The following PRR11 variants were observed in gnomAD, a reference collection of about 807,000 sequenced individuals.
PRR11 encodes proline-rich protein 11.
A neutral mutation model predicts 45.6 loss-of-function variants in PRR11; 30 were observed. That is an observed-to-expected ratio of 0.66 (90% CI 0.49 to 0.89). The LOEUF is 0.89. Ranked by LOEUF, PRR11 falls within the 40% of genes least tolerant of loss-of-function variation. The pLI, the probability that PRR11 is intolerant of heterozygous loss-of-function variation, is 0.00. For synonymous variants in PRR11, 128 were observed against 153.5 expected, an observed-to-expected ratio of 0.83 and a Z score of 1.23; for missense variants, 373 against 424.8, an observed-to-expected ratio of 0.88 and a Z score of 1.07.
intron 1 of PRR11, among the ~76,000 whole-genome samples, chr17:59,157,707 C>A (rs1330797701): frequency 2.0e-5 from 3 of 150,350 alleles, no homozygotes; most frequent in South Asian, 4.2e-4. Context: ...GTCCACCCCC[C>A]CAAAAAAAAA....
At chr17:59,175,270 G>T in intron 2 of PRR11, 1 of 281,606 alleles carries the variant, frequency 3.6e-6, no homozygotes, top group East Asian at 1.0e-4. Context: ...TTCCTCAGGA[G>T]GGCCCTGATT....
intron 1 of PRR11, among the ~76,000 whole-genome samples, chr17:59,157,514 C>A (rs143216438): frequency 6.6e-6 from 1 of 152,042 alleles, no homozygotes; most frequent in Non-Finnish European, 1.5e-5. Context: ...CCAGCCTGGC[C>A]AACATGGCAA....
intron 2 of PRR11, among the ~76,000 whole-genome samples, chr17:59,172,017 TACA>T (rs1401295589): frequency 4.6e-5 from 7 of 152,148 alleles, no homozygotes; most frequent in Non-Finnish European, 7.4e-5. Context: ...TTTTCAAAAG[TACA>T]ACAATTTTGA....
chr17:59,161,438 A>C (rs2046652491), intron 1 of PRR11, among the ~76,000 whole-genome samples: 1 of 145,430 alleles, frequency 6.9e-6, no homozygotes, highest in Non-Finnish European at 1.5e-5. Flanking sequence ...AACATAAAAC[A>C]AAAAAAAAAA....
rs1181486099 is a variant in PRR11 at position 59,201,603 on chromosome 17, C to G, written c.1055C>G (p.Ser352Cys). The change falls in exon 10 of 10, where the codon TCT (serine) becomes TGT (cysteine). Residue 352 changes from serine (S) to cysteine (C), a missense_variant. Ser to Cys is a moderately radical substitution (Grantham distance 112, BLOSUM62 -1). Transcript: ENST00000262293. ...AGCCCAACTCCAACTCTGCCACTTT[C>G]TACAAGCAGCTTTGATGAACAAAAC... ...PRSPTPTLPL[S>C]TSSFDEQN The G allele has an allele frequency of 1.2e-6, 2 of 1,613,374 alleles. No homozygotes were observed. Among genetic ancestry groups the G allele is most frequent in the Admixed American group, 1.7e-5 (1 of 59,972 alleles).
chr17:59,193,221 G>A (rs1051298423), intron 4 of PRR11, among the ~76,000 whole-genome samples: 1 of 152,104 alleles, frequency 6.6e-6, no homozygotes, highest in Non-Finnish European at 1.5e-5. Flanking sequence ...TTCTGTGCAT[G>A]TTTAATGTCT....
rs1380658154 is a variant in PRR11 at position 59,203,224 on chromosome 17, G to C, written c.*1593G>C. Among the ~76,000 whole-genome samples the C allele has an allele frequency of 2.0e-5, 3 of 151,876 alleles. No homozygotes were observed. The highest frequency in any genetic ancestry group is 4.4e-5 in the Non-Finnish European group (3 of 67,974). On this transcript the variant is annotated 3_prime_UTR_variant, in exon 10 of 10. Coordinates refer to ENST00000262293, the MANE Select transcript of PRR11 (RefSeq NM_018304.4). Reference sequence around the variant, plus strand: ...TATAGAGATTTTTGTTTGTTTGTTTGTTTGTTTTGTTTTGTTTTGAGATGA... The same window carrying C: ...TATAGAGATTTTTGTTTGTTTGTTTCTTTGTTTTGTTTTGTTTTGAGATGA...
At position 59,201,805 on chromosome 17, in the gene PRR11, C is replaced by T; in HGVS notation, c.*174C>T. ...GGCCAACATGGTGAAACTCCTTCCCCACTAAAAATACAGAAATTAGCTGGG... is the reference window on the plus strand; with the variant it reads ...GGCCAACATGGTGAAACTCCTTCCCTACTAAAAATACAGAAATTAGCTGGG... On this transcript the variant is annotated 3_prime_UTR_variant, in exon 10 of 10. Coordinates refer to ENST00000262293, the MANE Select transcript of PRR11 (RefSeq NM_018304.4). 1 of 607,530 alleles carries T rather than the reference C, an allele frequency of 1.6e-6. No homozygotes were observed. Among genetic ancestry groups the T allele is most frequent in the Non-Finnish European group, 2.9e-6 (1 of 345,186 alleles). 37.6% of individuals were successfully genotyped at this position (607,530 alleles called of 1,614,324 possible). A position where few individuals can be genotyped will look rare whatever the true frequency, so the allele number is the denominator to read the frequency against.
chr17:59,201,775 A>G lies in PRR11; in HGVS notation c.*144A>G. On this transcript the variant is annotated 3_prime_UTR_variant, in exon 10 of 10. Transcript: ENST00000262293. ...CACCTGAGGTCAGGAGTTTGAGACC[A>G]GCCTGGCCAACATGGTGAAACTCCT... 4 of 759,378 alleles carry G rather than the reference A, an allele frequency of 5.3e-6. No individual in the cohort carries two copies. Among genetic ancestry groups the G allele is most frequent in the Middle Eastern group, 2.4e-4 (1 of 4,140 alleles). The allele number at this position is 759,378 out of a possible 1,614,324, so 47.0% of individuals were successfully genotyped here.
chr17:59,156,309 G>T (rs965086064), intron 1 of PRR11, among the ~76,000 whole-genome samples: 1 of 151,982 alleles, frequency 6.6e-6, no homozygotes, highest in Non-Finnish European at 1.5e-5. Context: ...TTTTAAATGC[G>T]TGTCCTGTTT....
rs1253246616 is a variant in PRR11, at chr17:59,204,673, T to G, written c.*3042T>G. ...GTGAGCCAAGATCACACCACTCCAC[T>G]CCAGTCTGGACAACAGAGTGAGACC... On this transcript the variant is annotated 3_prime_UTR_variant, in exon 10 of 10. Coordinates refer to ENST00000262293, the MANE Select transcript of PRR11 (RefSeq NM_018304.4). 2.1e-5 allele frequency: 3 copies of G among 144,832 alleles called. No homozygotes were observed. Among genetic ancestry groups the G allele is most frequent in the African/African-American group, 7.9e-5 (3 of 38,112 alleles). 9.0% of individuals were successfully genotyped at this position (144,832 alleles called of 1,614,324 possible). A position where few individuals can be genotyped will look rare whatever the true frequency, so the allele number is the denominator to read the frequency against.
At chr17:59,183,736 G>A (rs1599702162) in intron 2 of PRR11, among the ~76,000 whole-genome samples, 1 of 152,210 alleles carries the variant, frequency 6.6e-6, no homozygotes, top group East Asian at 1.9e-4. Flanking sequence ...GTATTGCTCT[G>A]AACTCAGAAA....
chr17:59,188,232 C>A (rs954800650), intron 4 of PRR11, among the ~76,000 whole-genome samples: 1 of 152,144 alleles, frequency 6.6e-6, no homozygotes, highest in Non-Finnish European at 1.5e-5. Flanking sequence ...GCAAAATAAA[C>A]TTCAATGAGT....
At chr17:59,177,943 G>A (rs1241441158) in intron 2 of PRR11, among the ~76,000 whole-genome samples, 1 of 151,524 alleles carries the variant, frequency 6.6e-6, no homozygotes, top group Non-Finnish European at 1.5e-5. Flanking sequence ...TAGAGGCTGT[G>A]GTGAGCTGTG....
chr17:59,173,656 C>A (rs1375998508), intron 2 of PRR11, among the ~76,000 whole-genome samples: 1 of 152,210 alleles, frequency 6.6e-6, no homozygotes, highest in Non-Finnish European at 1.5e-5. Context: ...GGACACGCCA[C>A]CTTTAAGAAC....
chr17:59,165,303 A>G (rs1445755705), intron 1 of PRR11, among the ~76,000 whole-genome samples: 1 of 151,378 alleles, frequency 6.6e-6, no homozygotes, highest in Non-Finnish European at 1.5e-5. Context: ...TACAGGCGTG[A>G]GCCACCGCGC....
In PRR11 at chr17:59,204,693, G is replaced by C. The variant is rs1333120182; in HGVS notation, c.*3062G>C. On this transcript the variant is annotated 3_prime_UTR_variant, in exon 10 of 10. Transcript: ENST00000262293. ...TCCACTCCAGTCTGGACAACAGAGT[G>C]AGACCCTGTGTCAAAAAAAAAAAAA... 6.7e-6 allele frequency: 1 copy of C among 149,614 alleles called. No homozygotes were observed. Among genetic ancestry groups the C allele is most frequent in the East Asian group, 2.0e-4 (1 of 5,100 alleles). 9.3% of individuals were successfully genotyped at this position (149,614 alleles called of 1,614,324 possible).
At chr17:59,181,417 G>T (rs2046785891) in intron 2 of PRR11, 2 of 888,196 alleles carry the variant, frequency 2.3e-6, no homozygotes, top group Non-Finnish European at 3.3e-6. Flanking sequence ...CCCACTGGGG[G>T]CATATTTTTC....
chr17:59,195,508 C>T, intron 7 of PRR11, 65 bp downstream of exon 7: 2 of 1,090,384 alleles, frequency 1.8e-6, no homozygotes, highest in South Asian at 1.7e-5. Context: ...GTACAAAGGC[C>T]TAAAGAAAAG....
Sources: allele counts gnomAD v4.1 joint callset (sites outside exome capture counted in the v4.1 genomes callset), GRCh38; gene constraint gnomAD v4.1.1; transcripts MANE v1.5; gene names NCBI Gene and HGNC (gene_info 2026-07-23, HGNC 2026-07-21).